Variants in PACRG observed in about 807,000 individuals in gnomAD.
PACRG encodes parkin coregulated.
In PACRG, 29 loss-of-function variants were observed where a neutral mutation model predicts 29.7. The ratio of observed to expected loss-of-function variants is 0.98; its 90% CI spans 0.73 to 1.33. The LOEUF is 1.33. Ranked by LOEUF, PACRG falls within the 40% of genes most tolerant of loss-of-function variation. The pLI, the probability that PACRG is intolerant of heterozygous loss-of-function variation, is 0.00. For synonymous variants in PACRG, 116 were observed against 118.7 expected, an observed-to-expected ratio of 0.98 and a Z score of 0.15; for missense variants, 279 against 316.2, an observed-to-expected ratio of 0.88 and a Z score of 0.89.
chr6:163,165,056 T>TA (rs1056285124), intron 4 of PACRG, among the ~76,000 whole-genome samples: 188 of 151,308 alleles, frequency 1.2e-3, no homozygotes, highest in African/African-American at 4.4e-3. Context: ...TATGGGGGTT[T>TA]AAAAAAAAAT....
intron 4 of PACRG, among the ~76,000 whole-genome samples, chr6:163,232,722 G>A (rs1782093816): frequency 6.6e-6 from 1 of 152,166 alleles, no homozygotes; most frequent in African/African-American, 2.4e-5. Context: ...GCAATAGGAA[G>A]AGACAAAAGT....
At chr6:163,242,924 T>G (rs1016880502) in intron 4 of PACRG, among the ~76,000 whole-genome samples, 11 of 152,358 alleles carry the variant, frequency 7.2e-5, no homozygotes, top group African/African-American at 2.4e-4. Context: ...AATTGCAAAA[T>G]GCAGTTGAAA....
At chr6:163,279,269 T>C (rs1047810353) in intron 4 of PACRG, among the ~76,000 whole-genome samples, 1 of 152,188 alleles carries the variant, frequency 6.6e-6, no homozygotes, top group Non-Finnish European at 1.5e-5. Flanking sequence ...ATACCATCAT[T>C]ATCAGCAGCA....
chr6:163,200,501 G>A (rs139551654), intron 4 of PACRG, among the ~76,000 whole-genome samples: 4 of 152,160 alleles, frequency 2.6e-5, no homozygotes, highest in Admixed American at 6.5e-5. Context: ...GGCACGTGTC[G>A]CATACTTCCC....
At position 162,895,604 on chromosome 6, in the gene PACRG, T is replaced by C. The variant is rs144834511; in HGVS notation, c.291+81323T>C. Among the ~76,000 whole-genome samples the C allele has an allele frequency of 7.3e-3, 1,106 of 152,346 alleles. 10 individuals are homozygous for C. Among genetic ancestry groups the C allele is most frequent in the African/African-American group, 0.025 (1,034 of 41,586 alleles). ...ACAGTAATGCCTAACACTAAACAAGTCAGTGTTGAGTTGTTTGTTTAATCT... is the reference window on the plus strand; with the variant it reads ...ACAGTAATGCCTAACACTAAACAAGCCAGTGTTGAGTTGTTTGTTTAATCT... On this transcript the variant is annotated intron_variant, in intron 2 of 4. Coordinates refer to ENST00000366888, the MANE Select transcript of PACRG (RefSeq NM_001080379.2).
chr6:163,091,564 T>G (rs1379743894), intron 4 of PACRG, among the ~76,000 whole-genome samples: 1 of 152,214 alleles, frequency 6.6e-6, no homozygotes, highest in African/African-American at 2.4e-5. Context: ...GGGAAAAATA[T>G]TATCTTCCGC....
At chr6:162,989,226 A>C (rs1391327236) in intron 2 of PACRG, among the ~76,000 whole-genome samples, 1 of 152,184 alleles carries the variant, frequency 6.6e-6, no homozygotes, top group Non-Finnish European at 1.5e-5. Context: ...TTAGATACTG[A>C]TGCTCTAGGT....
chr6:163,253,642 G>A (rs898527190), intron 4 of PACRG, among the ~76,000 whole-genome samples: 1 of 152,118 alleles, frequency 6.6e-6, no homozygotes, highest in African/African-American at 2.4e-5. Context: ...TAGAAAGAAT[G>A]TTCCCCATCA....
intron 3 of PACRG, among the ~76,000 whole-genome samples, chr6:163,075,107 G>T (rs1315709152): frequency 6.6e-6 from 1 of 152,084 alleles, no homozygotes; most frequent in African/African-American, 2.4e-5. Context: ...TATCATGATA[G>T]GGTATTAAGA....
intron 2 of PACRG, among the ~76,000 whole-genome samples, chr6:162,884,265 T>C (rs925755642): frequency 6.6e-6 from 1 of 152,160 alleles, no homozygotes; most frequent in African/African-American, 2.4e-5. Context: ...TTCCCCAATA[T>C]TTCTAGGCTA....
rs140941843 is a variant in PACRG, at chr6:163,217,533, G to C, written c.614-97294G>C. On this transcript the variant is annotated intron_variant, in intron 4 of 4. Transcript: ENST00000366888. ...CCGAGGGTAGGGGTTCCCGGGGTAG[G>C]GGTCCCCAGCCCCCGGGCCATGGAC... is the stretch of plus-strand genomic sequence containing the variant. Among the ~76,000 whole-genome samples, 203 of 152,320 alleles carry C rather than the reference G, an allele frequency of 1.3e-3. 1 individual carries two copies. Among genetic ancestry groups the C allele is most frequent in the African/African-American group, 4.6e-3 (192 of 41,576 alleles).
chr6:162,851,953 G>A (rs1790899449), intron 2 of PACRG, among the ~76,000 whole-genome samples: 1 of 141,804 alleles, frequency 7.1e-6, no homozygotes, highest in South Asian at 2.6e-4. Context: ...AGAAAGGAAG[G>A]GAGGAAGGAA....
At chr6:162,758,340 A>G (rs528146801) in intron 1 of PACRG, among the ~76,000 whole-genome samples, 1 of 152,292 alleles carries the variant, frequency 6.6e-6, no homozygotes, top group African/African-American at 2.4e-5. Context: ...GACCCTAAAT[A>G]TGCATAAATT....
intron 2 of PACRG, among the ~76,000 whole-genome samples, chr6:162,987,784 C>T (rs1803033373): frequency 1.3e-5 from 2 of 152,210 alleles, no homozygotes; most frequent in Middle Eastern, 3.2e-3. Context: ...TAGATAGACT[C>T]TGTGAGAGTC....
chr6:163,154,971 G>GA (rs35717831), intron 4 of PACRG, among the ~76,000 whole-genome samples: 22,854 of 145,974 alleles, frequency 0.16, 1,765 homozygotes, highest in East Asian at 0.31. Flanking sequence ...ATTAAATGTG[G>GA]AAAAAAAAAA....
At chr6:162,962,613 C>T (rs1214024943) in intron 2 of PACRG, among the ~76,000 whole-genome samples, 1 of 152,118 alleles carries the variant, frequency 6.6e-6, no homozygotes, top group Non-Finnish European at 1.5e-5. Flanking sequence ...GGTGAGGACA[C>T]AGGGAGAAGG....
chr6:163,249,814 G>A lies in PACRG; in HGVS notation c.614-65013G>A, dbSNP rs1206584096. Among the ~76,000 whole-genome samples the A allele has an allele frequency of 2.0e-5, 3 of 152,222 alleles. No individual in the cohort carries two copies. The East Asian group carries it at 5.8e-4, about 29-fold the overall frequency. On this transcript the variant is annotated intron_variant, in intron 4 of 4. Coordinates refer to ENST00000366888, the MANE Select transcript of PACRG (RefSeq NM_001080379.2). ...GGCTTCTCAGTGCAAACTGAAGTTT[G>A]AGTCAGAAAAGGCTGTTGTTTAAAT...
intron 4 of PACRG, among the ~76,000 whole-genome samples, chr6:163,150,957 T>TA (rs1778061108): frequency 6.6e-6 from 1 of 152,218 alleles, no homozygotes; most frequent in Non-Finnish European, 1.5e-5. Flanking sequence ...AAAACCAGTT[T>TA]CTGACCTTCT....
chr6:162,807,320 T>G (rs931879192), intron 1 of PACRG, among the ~76,000 whole-genome samples: 1 of 152,246 alleles, frequency 6.6e-6, no homozygotes, highest in Non-Finnish European at 1.5e-5. Flanking sequence ...ATTCACAACT[T>G]GGCTAACTAT....
Sources: allele counts gnomAD v4.1 joint callset (sites outside exome capture counted in the v4.1 genomes callset), GRCh38; gene constraint gnomAD v4.1.1; transcripts MANE v1.5; gene names NCBI Gene and HGNC (gene_info 2026-07-23, HGNC 2026-07-21).